The following KIRREL3 variants were observed in gnomAD, a reference collection of about 807,000 sequenced individuals.
The protein encoded by KIRREL3 is kirre like nephrin family adhesion molecule 3, also known as kin of IRRE-like protein 3.
KIRREL3 carries 36 observed loss-of-function variants against 89.7 expected under a neutral mutation model. The ratio of observed to expected loss-of-function variants is 0.40; its 90% confidence interval spans 0.31 to 0.53. The LOEUF is 0.53. KIRREL3 is among the 20% of genes least tolerant of loss of function. The probability of loss-of-function intolerance (pLI) is 0.49; values close to 1 mark genes in which losing one functional copy is unlikely to be tolerated. For synonymous variants in KIRREL3, 445 were observed against 441.4 expected (o/e 1.01, Z -0.10); for missense variants, 864 against 1,056.6 (o/e 0.82, Z 2.53).
rs1592133685 is a variant in KIRREL3, at chr11:126,791,149, C to T, written c.55+209306G>A. ...TTTGGTAACAAAAGATCAGAAATTG[C>T]CTCCTGAGCGCTGCCTGGCTGCTTC... On this transcript the variant is annotated intron_variant, in intron 1 of 16. Coordinates refer to ENST00000525144, the MANE Select transcript of KIRREL3 (RefSeq NM_032531.4). This position sits in a 1 kb window ranked among gnomAD's most constrained non-coding sequence, Gnocchi z 4.8. Among the ~76,000 whole-genome samples, 1 of 152,092 alleles carries T rather than the reference C, an allele frequency of 6.6e-6. No individual in the cohort carries two copies. Among genetic ancestry groups the T allele is most frequent in the African/African-American group, 2.4e-5 (1 of 41,418 alleles).
intron 1 of KIRREL3, among the ~76,000 whole-genome samples, chr11:126,760,554 G>A (rs986507360): frequency 6.6e-6 from 1 of 152,242 alleles, no homozygotes; most frequent in Non-Finnish European, 1.5e-5. Flanking sequence ...TTGCACAAGA[G>A]TTGGAGGAAT....
intron 1 of KIRREL3, among the ~76,000 whole-genome samples, chr11:126,856,688 T>G (rs1235094639): frequency 6.6e-6 from 1 of 151,482 alleles, no homozygotes. Context: ...CCATCTCGGC[T>G]CACTGCAAGC....
chr11:126,907,598 G>T (rs1377758020), intron 1 of KIRREL3, among the ~76,000 whole-genome samples: 1 of 152,180 alleles, frequency 6.6e-6, no homozygotes, highest in African/African-American at 2.4e-5. Context: ...TCTACCATTT[G>T]CTCAAAAAGC....
chr11:126,862,266 A>T (rs947824914), intron 1 of KIRREL3, among the ~76,000 whole-genome samples: 2 of 152,192 alleles, frequency 1.3e-5, no homozygotes, highest in African/African-American at 2.4e-5. Context: ...ATTAACCCAC[A>T]TCCACCCAAA....
In KIRREL3 at chr11:126,703,668, C is replaced by T. The variant is rs1947402520; in HGVS notation, c.56-140756G>A. ...ATGATACAAAAGAGATGTCTGTTTT[C>T]CTGAGGCCCACGGGCAGGGGAGGCA... On this transcript the variant is annotated intron_variant, in intron 1 of 16. Coordinates refer to ENST00000525144, the MANE Select transcript of KIRREL3 (RefSeq NM_032531.4). The surrounding 1 kb of genome is among the most constrained non-coding windows in gnomAD (Gnocchi z 4.6). Among the ~76,000 whole-genome samples, 1 of 152,204 alleles carries T rather than the reference C, an allele frequency of 6.6e-6. No individual in the cohort carries two copies. The highest frequency in any genetic ancestry group is 2.4e-5 in the African/African-American group (1 of 41,450).
intron 2 of KIRREL3, among the ~76,000 whole-genome samples, chr11:126,552,343 C>G (rs1043845604): frequency 2.1e-4 from 32 of 152,108 alleles, no homozygotes; most frequent in Admixed American, 1.4e-3. Context: ...ATTCTTACCA[C>G]CAGGCCCCCT....
chr11:126,509,891 G>A (rs1019530071), intron 4 of KIRREL3, among the ~76,000 whole-genome samples: 5 of 146,456 alleles, frequency 3.4e-5, no homozygotes, highest in Non-Finnish European at 5.9e-5. Flanking sequence ...CAGGAGATTC[G>A]CAGGAGAATC....
intron 1 of KIRREL3, among the ~76,000 whole-genome samples, chr11:126,923,129 CTCTTCTTCTTCTTCTTCTTCTTCTT>C (rs1947437400): frequency 7.8e-5 from 2 of 25,732 alleles, no homozygotes; most frequent in Non-Finnish European, 7.8e-5. Context: ...TCTCCTTCTT[CTCTTCTTCTTCTTCTTCTTCTTCTT>C]CTTCTTCTTC....
At position 126,897,262 on chromosome 11, in the gene KIRREL3, A is replaced by C. The variant is rs551488906; in HGVS notation, c.55+103193T>G. Among the ~76,000 whole-genome samples, 79 of 152,170 alleles carry C rather than the reference A, an allele frequency of 5.2e-4. No homozygotes were observed. Among genetic ancestry groups the C allele is most frequent in the African/African-American group, 1.8e-3 (75 of 41,550 alleles). On this transcript the variant is annotated intron_variant, in intron 1 of 16. Transcript: ENST00000525144. This position sits in a 1 kb window ranked among gnomAD's most constrained non-coding sequence, Gnocchi z 4.2. ...GAGTGTTTTCCCAGGCTGGCGGGGA[A>C]TCTCATGAGGAGGAGATCAGTCCTG...
intron 1 of KIRREL3, among the ~76,000 whole-genome samples, chr11:126,688,172 C>G (rs1230837401): frequency 6.6e-6 from 1 of 152,246 alleles, no homozygotes; most frequent in Non-Finnish European, 1.5e-5. Flanking sequence ...CAAGAGCAGC[C>G]TGTCCCACTT....
At chr11:126,450,567 GTGTGCATGTGTGCA>G (rs1158584823) in intron 7 of KIRREL3, among the ~76,000 whole-genome samples, 83 of 151,066 alleles carry the variant, frequency 5.5e-4, no homozygotes, top group Admixed American at 1.4e-3. Context: ...GTGCATGTGC[GTGTGCATGTGTGCA>G]TGTGCATGTG....
chr11:126,756,565 G>A (rs1949508788), intron 1 of KIRREL3, among the ~76,000 whole-genome samples: 1 of 152,256 alleles, frequency 6.6e-6, no homozygotes, highest in Non-Finnish European at 1.5e-5. Flanking sequence ...TGGAATGCCA[G>A]TGGCGCTATC....
At position 126,550,849 on chromosome 11, in the gene KIRREL3, T is replaced by A. The variant is rs895342404; in HGVS notation, c.133+11986A>T. ...GTGGGAGCAGCGGACACCAGCTGGG[T>A]GTCCTCCAATTCAATTCTGACACTG... On this transcript the variant is annotated intron_variant, in intron 2 of 16. Coordinates refer to ENST00000525144, the MANE Select transcript of KIRREL3 (RefSeq NM_032531.4). The surrounding 1 kb of genome is among the most constrained non-coding windows in gnomAD (Gnocchi z 4.9). 1.3e-5 allele frequency among the ~76,000 whole-genome samples: 2 copies of A among 151,992 alleles called. No homozygotes were observed. The highest frequency in any genetic ancestry group is 2.9e-5 in the Non-Finnish European group (2 of 67,984).
intron 1 of KIRREL3, among the ~76,000 whole-genome samples, chr11:126,679,363 C>T (rs1263135111): frequency 6.6e-6 from 1 of 152,196 alleles, no homozygotes; most frequent in Admixed American, 6.5e-5. Context: ...AACATACCTA[C>T]ATAATCTAAA....
At position 126,568,040 on chromosome 11, in the gene KIRREL3, G is replaced by A. The variant is rs1940646922; in HGVS notation, c.56-5128C>T. 6.6e-6 allele frequency among the ~76,000 whole-genome samples: 1 copy of A among 152,040 alleles called. No individual in the cohort carries two copies. Among genetic ancestry groups the A allele is most frequent in the Admixed American group, 6.6e-5 (1 of 15,264 alleles). On this transcript the variant is annotated intron_variant, in intron 1 of 16. Coordinates refer to ENST00000525144, the MANE Select transcript of KIRREL3 (RefSeq NM_032531.4). The surrounding 1 kb of genome is among the most constrained non-coding windows in gnomAD (Gnocchi z 4.6). ...CTTCCCACCTGAAGCTAGTAGACTC[G>A]AGCACGTCTCTGGAAGCCTATCAAA...
chr11:126,865,278 C>T (rs1187818689), intron 1 of KIRREL3, among the ~76,000 whole-genome samples: 1 of 152,226 alleles, frequency 6.6e-6, no homozygotes, highest in African/African-American at 2.4e-5. Flanking sequence ...GCAAATTGAC[C>T]AAGCTCACCC....
Position 126,666,016 on chromosome 11 carries a change from C to T in KIRREL3, c.56-103104G>A, listed in dbSNP as rs1945646714. On this transcript the variant is annotated intron_variant, in intron 1 of 16. Coordinates refer to ENST00000525144, the MANE Select transcript of KIRREL3 (RefSeq NM_032531.4). This position sits in a 1 kb window ranked among gnomAD's most constrained non-coding sequence, Gnocchi z 4.2. ...TAAAGCGTTGTTGCTATTAATGAAT[C>T]AGAAAGCCTGGAACTATGATCTGGA... Among the ~76,000 whole-genome samples the T allele has an allele frequency of 1.3e-5, 2 of 152,300 alleles. No individual in the cohort carries two copies. The highest frequency in any genetic ancestry group is 6.5e-5 in the Admixed American group (1 of 15,298).
At chr11:126,855,877 A>G (rs2134587766) in intron 1 of KIRREL3, among the ~76,000 whole-genome samples, 1 of 152,284 alleles carries the variant, frequency 6.6e-6, no homozygotes, top group Non-Finnish European at 1.5e-5. Context: ...GACCTGGTCT[A>G]GGCTGTGGGC....
chr11:126,632,791 T>TAAA (rs755510570), intron 1 of KIRREL3, among the ~76,000 whole-genome samples: 192 of 48,530 alleles, frequency 4.0e-3, no homozygotes, highest in African/African-American at 0.011. Context: ...AGTCTAAACT[T>TAAA]AAAAAAAAAA....
Sources: gnomAD v4.1 joint callset for allele counts (sites outside exome capture counted in the v4.1 genomes callset) on GRCh38, gnomAD v4.1.1 for gene constraint, Gnocchi (gnomAD v3.1) non-coding constraint, MANE v1.5 for transcripts, NCBI Gene and HGNC (gene_info 2026-07-23, HGNC 2026-07-21) for gene names.